COL13A1: variants seen among roughly 807,000 people sequenced by gnomAD.
COL13A1 encodes collagen alpha-1(XIII) chain.
COL13A1 carries 89 observed loss-of-function variants against 130.9 expected under a neutral mutation model. That is an observed-to-expected ratio of 0.68 (90% CI 0.57 to 0.81). The LOEUF is 0.81. COL13A1 is among the 30% of genes least tolerant of loss of function. The probability of loss-of-function intolerance (pLI) is 0.00; values close to 1 mark genes in which losing one functional copy is unlikely to be tolerated. For synonymous variants in COL13A1, 402 were observed against 341.6 expected (o/e 1.18, Z -1.95); for missense variants, 879 against 934.6 (o/e 0.94, Z 0.78).
intron 35 of COL13A1, among the ~76,000 whole-genome samples, chr10:69,942,844 G>A (rs1001898410): frequency 8.5e-5 from 13 of 152,134 alleles, no homozygotes; most frequent in African/African-American, 3.1e-4. Context: ...CCACTGGCCC[G>A]AGCTGACTCC....
chr10:69,881,202 G>C (rs776225447), intron 7 of COL13A1, among the ~76,000 whole-genome samples: 1 of 152,204 alleles, frequency 6.6e-6, no homozygotes, highest in Non-Finnish European at 1.5e-5. Flanking sequence ...CCTGAACCAC[G>C]GGGCTTTAAT....
intron 21 of COL13A1, among the ~76,000 whole-genome samples, chr10:69,920,021 C>T (rs1177213958): frequency 6.6e-6 from 1 of 152,200 alleles, no homozygotes; most frequent in Non-Finnish European, 1.5e-5. Context: ...TCCACATGGC[C>T]TGCTTCCGAA....
chr10:69,877,922 T>C lies in COL13A1; in HGVS notation c.436-117T>C, dbSNP rs974475858. 1.2e-5 allele frequency: 8 copies of C among 659,076 alleles called. No homozygotes were observed. The Admixed American group carries it at 1.8e-4, about 15-fold the overall frequency. 40.8% of individuals were successfully genotyped at this position (659,076 alleles called of 1,614,324 possible). A position where few individuals can be genotyped will look rare whatever the true frequency, so the allele number is the denominator to read the frequency against. ...TTTCTTATTTCACAGTGATTTCTTC[T>C]GTTTGGTTGTTGTGCTATGAACATG... On this transcript the variant is annotated intron_variant, in intron 5 of 40. Transcript: ENST00000645393.
chr10:69,921,837 G>A (rs1420459711), intron 21 of COL13A1, 45 bp from the exon 22 acceptor site: 2 of 1,579,594 alleles, frequency 1.3e-6, no homozygotes, highest in Admixed American at 3.6e-5. Flanking sequence ...CAAACCTGCT[G>A]CAGAAACAGT....
intron 2 of COL13A1, among the ~76,000 whole-genome samples, chr10:69,843,856 A>G (rs958534210): frequency 3.3e-5 from 5 of 152,214 alleles, no homozygotes; most frequent in African/African-American, 9.7e-5. Flanking sequence ...AAGGTGCTAG[A>G]GTTAGGCAGT....
rs374396486 is a variant in COL13A1, at chr10:69,864,815, T to C, written c.365-2983T>C. On this transcript the variant is annotated intron_variant, in intron 2 of 40. Transcript: ENST00000645393. ...TGGCCTCAGCAGGAAGCTGAGGCAGTGCGTGACAGACATCAGCAGGGAGGT... is the reference window on the plus strand; with the variant it reads ...TGGCCTCAGCAGGAAGCTGAGGCAGCGCGTGACAGACATCAGCAGGGAGGT... Among the ~76,000 whole-genome samples the C allele has an allele frequency of 6.6e-5, 10 of 152,256 alleles. No individual in the cohort carries two copies. In the East Asian group the frequency reaches 7.7e-4, roughly 12 times the overall value.
In COL13A1 at chr10:69,882,900, T is replaced by A. The variant is rs142567874; in HGVS notation, c.513+2347T>A. On this transcript the variant is annotated intron_variant, in intron 7 of 40. Coordinates refer to ENST00000645393, the MANE Select transcript of COL13A1 (RefSeq NM_001368882.1). Reference sequence around the variant, plus strand: ...GCCCCCTCAGCTCCTTCCAGGAAGCTGCCCTGAGCTAATGGGAGCAGGGAC... The same window carrying A: ...GCCCCCTCAGCTCCTTCCAGGAAGCAGCCCTGAGCTAATGGGAGCAGGGAC... Among the ~76,000 whole-genome samples the A allele has an allele frequency of 2.7e-3, 407 of 152,300 alleles. 1 individual carries two copies. Among genetic ancestry groups the A allele is most frequent in the African/African-American group, 9.5e-3 (393 of 41,572 alleles).
At chr10:69,804,982 G>A (rs1374349963) in intron 1 of COL13A1, among the ~76,000 whole-genome samples, 1 of 152,158 alleles carries the variant, frequency 6.6e-6, no homozygotes, top group African/African-American at 2.4e-5. Context: ...AGTTTGCCAG[G>A]CAAAAGCGGG....
At chr10:69,876,269 G>A (rs1352040692) in intron 5 of COL13A1, among the ~76,000 whole-genome samples, 1 of 152,200 alleles carries the variant, frequency 6.6e-6, no homozygotes, top group Admixed American at 6.5e-5. Context: ...AAGTGGCTGA[G>A]CAGAAATCTG....
In COL13A1 at chr10:69,937,706, G is replaced by A; in HGVS notation, c.1869G>A (p.Leu623=). ...GAGAAAAAGGAGACCGTGGTCCCCT[G>A]GGACTACCCGTAAGTACCTTGGACC... ...FQGEKGDRGP[L]GLPGASGLDG... Residue 623 remains leucine, a synonymous_variant, in exon 34 of 41, where the codon CTG becomes CTA. Transcript: ENST00000645393. 6.6e-7 allele frequency: 1 copy of A among 1,521,636 alleles called. No individual in the cohort carries two copies. The highest frequency in any genetic ancestry group is 9.1e-7 in the Non-Finnish European group (1 of 1,095,688). The allele number at this position is 1,521,636 out of a possible 1,614,324, so 94.3% of individuals were successfully genotyped here.
At chr10:69,828,968 C>T (rs1404886133) in intron 2 of COL13A1, among the ~76,000 whole-genome samples, 1 of 152,144 alleles carries the variant, frequency 6.6e-6, no homozygotes, top group Non-Finnish European at 1.5e-5. Context: ...TTGTGGGTTT[C>T]CAGCCAGGGA....
chr10:69,819,219 C>G (rs1451648499), intron 1 of COL13A1, among the ~76,000 whole-genome samples: 1 of 152,154 alleles, frequency 6.6e-6, no homozygotes, highest in Non-Finnish European at 1.5e-5. Flanking sequence ...ACTTAGTTTC[C>G]TGGATTATAC....
rs1433751990 is a variant in COL13A1 at position 69,894,717 on chromosome 10, G to A, written c.657+16G>A. On this transcript the variant is annotated intron_variant, in intron 12 of 40. Coordinates refer to ENST00000645393, the MANE Select transcript of COL13A1 (RefSeq NM_001368882.1). Reference sequence around the variant, plus strand: ...AGGAGAAAAGGTAAGAGCAGTGGAGGTTTCCTAGAGTCTCCATCTCAGGAA... The same window carrying A: ...AGGAGAAAAGGTAAGAGCAGTGGAGATTTCCTAGAGTCTCCATCTCAGGAA... 3.7e-6 allele frequency: 6 copies of A among 1,613,860 alleles called. No homozygotes were observed. The highest frequency in any genetic ancestry group is 5.1e-6 in the Non-Finnish European group (6 of 1,179,838).
At chr10:69,835,920 C>T (rs1849926496) in intron 2 of COL13A1, among the ~76,000 whole-genome samples, 1 of 152,252 alleles carries the variant, frequency 6.6e-6, no homozygotes, top group Admixed American at 6.5e-5. Context: ...CTCATAATTA[C>T]TTTATGTGGC....
chr10:69,916,004 A>G (rs1357172620), intron 17 of COL13A1, among the ~76,000 whole-genome samples: 2 of 152,210 alleles, frequency 1.3e-5, no homozygotes, highest in Non-Finnish European at 2.9e-5. Context: ...GTTTTAAGGC[A>G]GGGGTCTCGC....
In COL13A1 at chr10:69,951,562, G is replaced by A. The variant is rs552832021; in HGVS notation, c.2059-1320G>A. Reference sequence around the variant, plus strand: ...TTATTCTTTGCAAAAATGAGGTCTTGCTTTATTGTCCAGGCTGGCCTCGAA... The same window carrying A: ...TTATTCTTTGCAAAAATGAGGTCTTACTTTATTGTCCAGGCTGGCCTCGAA... On this transcript the variant is annotated intron_variant, in intron 38 of 40. Coordinates refer to ENST00000645393, the MANE Select transcript of COL13A1 (RefSeq NM_001368882.1). Among the ~76,000 whole-genome samples, 6 of 152,120 alleles carry A rather than the reference G, an allele frequency of 3.9e-5. No individual in the cohort carries two copies. In the East Asian group the frequency reaches 7.8e-4, roughly 20 times the overall value.
At position 69,837,268 on chromosome 10, in the gene COL13A1, C is replaced by A. The variant is rs148465028; in HGVS notation, c.364+14830C>A. On this transcript the variant is annotated intron_variant, in intron 2 of 40. Coordinates refer to ENST00000645393, the MANE Select transcript of COL13A1 (RefSeq NM_001368882.1). ...CCTTACCAATGATCCTGGCTGGTGT[C>A]GGTTCTGATTGGTGGGTCTCTGTAC... Among the ~76,000 whole-genome samples, 1,119 of 152,308 alleles carry A rather than the reference C, an allele frequency of 7.3e-3. 10 individuals are homozygous for A. The highest frequency in any genetic ancestry group is 0.026 in the African/African-American group (1,066 of 41,566).
In COL13A1 at chr10:69,802,653, C is replaced by G. The variant is rs1370655259; in HGVS notation, c.230C>G (p.Ala77Gly). 1.9e-6 allele frequency: 3 copies of G among 1,613,338 alleles called. No individual in the cohort carries two copies. ...CAGGCCCGGGTGCTGCGCCTGGAAG[C>G]GGAGCGCGGGGAGCAGCAAATGGAG... ...ELQARVLRLE[A>G]ERGEQQMETA... The change falls in exon 1 of 41, where the codon GCG becomes GGG. Residue 77 changes from alanine (A) to glycine (G), a missense_variant. Around this residue, in one of 3 missense-constraint regions of COL13A1, gnomAD observed 715 missense variants for 721.0 expected, o/e 0.99. Coordinates refer to ENST00000645393, the MANE Select transcript of COL13A1 (RefSeq NM_001368882.1).
intron 2 of COL13A1, among the ~76,000 whole-genome samples, chr10:69,845,413 G>A (rs141184028): frequency 0.029 from 4,478 of 152,068 alleles, 62 homozygotes; most frequent in Non-Finnish European, 0.036. Flanking sequence ...GGCTGGTCTT[G>A]AACTCTTGAC....
Sources: allele counts gnomAD v4.1 joint callset (sites outside exome capture counted in the v4.1 genomes callset), GRCh38; gene constraint gnomAD v4.1.1; regional missense constraint gnomAD v4.1.1; transcripts MANE v1.5; gene names NCBI Gene and HGNC (gene_info 2026-07-23, HGNC 2026-07-21).